RANBP2: variants seen among roughly 807,000 people sequenced by gnomAD.
RANBP2 encodes E3 SUMO-protein ligase RanBP2.
Under a neutral mutation model 303.6 loss-of-function variants are expected in RANBP2, and 57 were observed. The observed-to-expected ratio is 0.19, with a 90% CI of 0.15 to 0.23. The LOEUF (loss-of-function observed/expected upper bound fraction) is 0.23, where lower values mean the gene tolerates loss of function less well. RANBP2 is among the 10% of genes least tolerant of loss of function. The probability of loss-of-function intolerance (pLI) is 1.00; values close to 1 mark genes in which losing one functional copy is unlikely to be tolerated. For synonymous variants in RANBP2, 1,167 were observed against 1,301.5 expected (o/e 0.90, Z 2.23); for missense variants, 3,138 against 3,780.8 (o/e 0.83, Z 4.46).
chr2:109,340,524 G>C, the RANBP2 span, among the ~76,000 whole-genome samples: 3 of 152,190 alleles, frequency 2.0e-5, no homozygotes, highest in Non-Finnish European at 4.4e-5. Context: ...GCGGTCCTCA[G>C]TTCTCCCATC....
At chr2:109,234,600 T>C in the RANBP2 span, among the ~76,000 whole-genome samples, 2 of 152,332 alleles carry the variant, frequency 1.3e-5, no homozygotes, top group African/African-American at 2.4e-5. Context: ...TTTAAAACAA[T>C]AAATGTTTGT....
At chr2:108,807,530 A>T in the RANBP2 span, among the ~76,000 whole-genome samples, 2 of 152,150 alleles carry the variant, frequency 1.3e-5, no homozygotes, top group African/African-American at 2.4e-5. Flanking sequence ...CTCTTTATCT[A>T]TGTGAAAATA....
chr2:109,322,294 C>T, the RANBP2 span, among the ~76,000 whole-genome samples: 3 of 152,164 alleles, frequency 2.0e-5, no homozygotes, highest in South Asian at 2.1e-4. Context: ...CCAGATCCTG[C>T]TCTGTAAACC....
the RANBP2 span, among the ~76,000 whole-genome samples, chr2:109,659,741 C>T: frequency 3.9e-5 from 6 of 152,176 alleles, no homozygotes; most frequent in Non-Finnish European, 8.8e-5. Context: ...GCCGCGGGGC[C>T]GGGAGCCCTG....
the RANBP2 span, among the ~76,000 whole-genome samples, chr2:109,206,108 C>T: frequency 6.6e-6 from 1 of 152,100 alleles, no homozygotes; most frequent in African/African-American, 2.4e-5. Flanking sequence ...GATGGGTGAC[C>T]CAAGCCACCC....
chr2:108,734,799 T>C lies in RANBP2; in HGVS notation c.406-733T>C, dbSNP rs143857829. Among the ~76,000 whole-genome samples the C allele has an allele frequency of 4.5e-3, 684 of 152,002 alleles. 5 individuals are homozygous for C. The highest frequency in any genetic ancestry group is 0.016 in the African/African-American group (653 of 41,436). Reference sequence around the variant, plus strand: ...CCTGTGTCAGTGGCAAGTGGATGGTTGAGGTTCGAGTGGAGGATAACATCA... The same window carrying C: ...CCTGTGTCAGTGGCAAGTGGATGGTCGAGGTTCGAGTGGAGGATAACATCA... On this transcript the variant is annotated intron_variant, in intron 4 of 28. Transcript: ENST00000283195.
chr2:109,676,187 G>T, the RANBP2 span, among the ~76,000 whole-genome samples: 1 of 152,164 alleles, frequency 6.6e-6, no homozygotes, highest in Non-Finnish European at 1.5e-5. Context: ...ATACCCATGC[G>T]CTGGGAGAAG....
chr2:109,546,049 C>A, the RANBP2 span: 1 of 1,567,030 alleles, frequency 6.4e-7, no homozygotes, highest in African/African-American at 1.4e-5. Context: ...GGGCCTCTTA[C>A]TTCTTACGGT....
At chr2:109,338,962 A>G in the RANBP2 span, among the ~76,000 whole-genome samples, 7 of 152,238 alleles carry the variant, frequency 4.6e-5, no homozygotes, top group South Asian at 1.4e-3. Flanking sequence ...TATACATTAT[A>G]TACTGTGTTC....
At chr2:108,736,288 C>T (rs826576) in intron 6 of RANBP2, 39 bp downstream of exon 6, 266,899 of 1,611,656 alleles carry the variant, frequency 0.17, 22,801 homozygotes, top group Non-Finnish European at 0.17. Context: ...GTATAAATTG[C>T]AGTTTTTCTT....
At chr2:109,697,485 TAAAAA>T in the RANBP2 span, among the ~76,000 whole-genome samples, 1 of 139,352 alleles carries the variant, frequency 7.2e-6, no homozygotes, top group African/African-American at 2.7e-5. Flanking sequence ...AACTCTGTCT[TAAAAA>T]AAAAAAAAAA....
the RANBP2 span, among the ~76,000 whole-genome samples, chr2:109,471,684 G>T: frequency 6.6e-6 from 1 of 152,178 alleles, no homozygotes; most frequent in Non-Finnish European, 1.5e-5. Flanking sequence ...CTGGGGCGGG[G>T]TCTAAGTCTC....
the RANBP2 span, among the ~76,000 whole-genome samples, chr2:109,005,908 T>A: frequency 1.3e-5 from 2 of 152,180 alleles, no homozygotes; most frequent in African/African-American, 2.4e-5. Flanking sequence ...ACCGCCTTTA[T>A]CCAATTCCCA....
chr2:109,531,345 G>A, the RANBP2 span, among the ~76,000 whole-genome samples: 1 of 152,272 alleles, frequency 6.6e-6, no homozygotes, highest in Admixed American at 6.5e-5. Flanking sequence ...CAACTGCAGA[G>A]GTGCCAGCTG....
chr2:109,024,960 A>G, the RANBP2 span, among the ~76,000 whole-genome samples: 1 of 152,200 alleles, frequency 6.6e-6, no homozygotes, highest in Non-Finnish European at 1.5e-5. Context: ...CACTCCTTCC[A>G]AAATATTTCA....
chr2:109,622,666 G>A, the RANBP2 span, among the ~76,000 whole-genome samples: 1 of 152,166 alleles, frequency 6.6e-6, no homozygotes. Flanking sequence ...CCTCCCCTCT[G>A]TCCAGTCCCC....
chr2:109,243,997 G>A, the RANBP2 span, among the ~76,000 whole-genome samples: 2 of 152,196 alleles, frequency 1.3e-5, no homozygotes, highest in South Asian at 4.1e-4. Flanking sequence ...TGTGCTCATA[G>A]GTGAAGTTTT....
chr2:109,170,306 T>C, the RANBP2 span, among the ~76,000 whole-genome samples: 25 of 122,344 alleles, frequency 2.0e-4, no homozygotes, highest in South Asian at 5.4e-4. Flanking sequence ...TCTCTTCTCT[T>C]CTCTTCTCTC....
At chr2:109,095,075 C>T in the RANBP2 span, among the ~76,000 whole-genome samples, 1 of 152,198 alleles carries the variant, frequency 6.6e-6, no homozygotes, top group Non-Finnish European at 1.5e-5. Flanking sequence ...AGGTCATAAA[C>T]TGCTTCCTTG....
Sources: gnomAD v4.1 joint callset for allele counts (sites outside exome capture counted in the v4.1 genomes callset) on GRCh38, gnomAD v4.1.1 for gene constraint, MANE v1.5 for transcripts, NCBI Gene and HGNC (gene_info 2026-07-23, HGNC 2026-07-21) for gene names.